ASB5: variants seen among roughly 807,000 people sequenced by gnomAD.
ASB5 encodes ankyrin repeat and SOCS box protein 5.
ASB5 carries 45 observed loss-of-function variants against 42.1 expected under a neutral mutation model. That is an observed-to-expected ratio of 1.07 (90% CI 0.84 to 1.37). The LOEUF (loss-of-function observed/expected upper bound fraction) is 1.37. Ranked by LOEUF, ASB5 falls within the 40% of genes most tolerant of loss-of-function variation. ASB5 has a pLI of 0.00. For missense variants in ASB5, 402 were observed against 399.8 expected (o/e 1.01, Z -0.05); for synonymous variants, 147 against 150.6 (o/e 0.98, Z 0.18).
chr4:176,260,798 T>C (rs1019363762), intron 1 of ASB5, among the ~76,000 whole-genome samples: 7 of 152,136 alleles, frequency 4.6e-5, no homozygotes, highest in African/African-American at 1.7e-4. Context: ...TTCCTCAGCC[T>C]CCCGAGTAGC....
intron 1 of ASB5, among the ~76,000 whole-genome samples, chr4:176,246,451 C>T (rs1418826615): frequency 1.3e-5 from 2 of 152,202 alleles, no homozygotes; most frequent in Non-Finnish European, 2.9e-5. Context: ...AAACCAGTAT[C>T]ACAGCACTAG....
chr4:176,246,379 C>A (rs1227454864), intron 1 of ASB5, among the ~76,000 whole-genome samples: 1 of 152,150 alleles, frequency 6.6e-6, no homozygotes, highest in Non-Finnish European at 1.5e-5. Flanking sequence ...GACCACCTAT[C>A]AGATACATGC....
At chr4:176,241,838 C>T (rs1447222000) in intron 1 of ASB5, 1 of 193,978 alleles carries the variant, frequency 5.2e-6, no homozygotes, top group Non-Finnish European at 9.4e-6. Flanking sequence ...GTGATATCTC[C>T]TCTCCTATAG....
At chr4:176,233,120 G>C (rs1252776057) in intron 1 of ASB5, among the ~76,000 whole-genome samples, 2 of 152,158 alleles carry the variant, frequency 1.3e-5, no homozygotes, top group Non-Finnish European at 2.9e-5. Context: ...AAATGCATTT[G>C]AAACATCACA....
chr4:176,237,457 A>G, intron 1 of ASB5: 2 of 985,904 alleles, frequency 2.0e-6, no homozygotes, highest in Non-Finnish European at 2.4e-6. Flanking sequence ...ACCAGGTGTC[A>G]TAAGTGCAAA....
At chr4:176,259,516 T>G (rs1031952483) in intron 1 of ASB5, among the ~76,000 whole-genome samples, 2 of 152,234 alleles carry the variant, frequency 1.3e-5, no homozygotes, top group East Asian at 3.9e-4. Flanking sequence ...ATGGTCATTA[T>G]TTAACAGCTC....
At chr4:176,216,361 T>C (rs1752969065) in intron 6 of ASB5, among the ~76,000 whole-genome samples, 1 of 152,150 alleles carries the variant, frequency 6.6e-6, no homozygotes, top group Non-Finnish European at 1.5e-5. Context: ...TCATTTTTTT[T>C]CTTTTTTTTA....
At chr4:176,241,405 G>C in intron 1 of ASB5, 2 of 1,412,588 alleles carry the variant, frequency 1.4e-6, no homozygotes, top group Non-Finnish European at 9.5e-7. Flanking sequence ...GGCTCACTAA[G>C]TAAAAAAATA....
chr4:176,247,447 G>A (rs1753933727), intron 1 of ASB5, among the ~76,000 whole-genome samples: 1 of 152,132 alleles, frequency 6.6e-6, no homozygotes, highest in African/African-American at 2.4e-5. Flanking sequence ...CTATTCTAAA[G>A]CTACAGAAAT....
In ASB5 at chr4:176,215,798, A is replaced by G. The variant is rs577501764; in HGVS notation, c.863-71T>C. 10 of 1,419,842 alleles carry G rather than the reference A, an allele frequency of 7.0e-6. No individual in the cohort carries two copies. In the Admixed American group the frequency reaches 1.2e-4, roughly 17 times the overall value. The allele number at this position is 1,419,842 out of a possible 1,614,324, so 88.0% of individuals were successfully genotyped here. On this transcript the variant is annotated intron_variant, in intron 6 of 6. Transcript: ENST00000296525. ...TTTTTTATGTTGTAAGGTACATAAC[A>G]TAAAACCATAAAAACTACAATGCTT... is the stretch of plus-strand genomic sequence containing the variant.
upstream of ASB5, among the ~76,000 whole-genome samples, chr4:176,269,987 A>C (rs924172284): frequency 6.6e-6 from 1 of 152,266 alleles, no homozygotes; most frequent in South Asian, 2.1e-4. Context: ...TCCAAAACCA[A>C]GGAAAACAAT....
chr4:176,253,928 A>T (rs1754095936), intron 1 of ASB5, among the ~76,000 whole-genome samples: 2 of 152,214 alleles, frequency 1.3e-5, no homozygotes, highest in Non-Finnish European at 2.9e-5. Context: ...CCAAACAAAA[A>T]AATTCCATGC....
At chr4:176,277,200 C>G (rs1438235025) in intron 1 of ASB5, 1 of 152,178 alleles carries the variant, frequency 6.6e-6, no homozygotes, top group Non-Finnish European at 1.5e-5. Flanking sequence ...CAAACCTGCC[C>G]CAGAGTAATT....
intron 1 of ASB5, chr4:176,249,328 T>A (rs1244610012): frequency 1.3e-5 from 2 of 152,216 alleles, no homozygotes; most frequent in Non-Finnish European, 1.5e-5. Flanking sequence ...TGACCATTTT[T>A]CCCAGTTGCG....
chr4:176,265,828 T>A (rs1462599685), intron 1 of ASB5, among the ~76,000 whole-genome samples: 1 of 152,170 alleles, frequency 6.6e-6, no homozygotes, highest in African/African-American at 2.4e-5. Flanking sequence ...ACTAGGCCTC[T>A]GATACATAAA....
In ASB5 at chr4:176,214,902, C is replaced by G. The variant is rs893800919; in HGVS notation, c.*698G>C. 1.3e-5 allele frequency: 2 copies of G among 152,030 alleles called. No individual in the cohort carries two copies. Among genetic ancestry groups the G allele is most frequent in the African/African-American group, 4.8e-5 (2 of 41,400 alleles). The allele number at this position is 152,030 out of a possible 1,614,324, so 9.4% of individuals were successfully genotyped here. On this transcript the variant is annotated 3_prime_UTR_variant, in exon 7 of 7. Coordinates refer to ENST00000296525, the MANE Select transcript of ASB5 (RefSeq NM_080874.4). ...GAGAAGGAGGCAGTCTTAACATAGC[C>G]TTAGAAGGTGTGTAATGTTCTAAAT...
chr4:176,245,506 A>T (rs982931042), intron 1 of ASB5, among the ~76,000 whole-genome samples: 6 of 152,224 alleles, frequency 3.9e-5, no homozygotes, highest in African/African-American at 1.2e-4. Context: ...TCAAGGATCT[A>T]GAACTAGATA....
At chr4:176,237,800 C>A (rs937320745) in intron 1 of ASB5, among the ~76,000 whole-genome samples, 1 of 152,166 alleles carries the variant, frequency 6.6e-6, no homozygotes, top group Admixed American at 6.5e-5. Context: ...ATTTAAAGAA[C>A]CTACAAATCA....
chr4:176,254,999 G>A (rs773666697), intron 1 of ASB5, among the ~76,000 whole-genome samples: 61 of 152,098 alleles, frequency 4.0e-4, no homozygotes, highest in Non-Finnish European at 4.0e-4. Flanking sequence ...GCATGGTGGC[G>A]CGTGCCTGTA....
Sources: gnomAD v4.1 joint callset for allele counts (sites outside exome capture counted in the v4.1 genomes callset) on GRCh38, gnomAD v4.1.1 for gene constraint, MANE v1.5 for transcripts, NCBI Gene and HGNC (gene_info 2026-07-23, HGNC 2026-07-21) for gene names.